Variants in CACNA2D3 observed in about 807,000 individuals in gnomAD.
CACNA2D3 encodes voltage-dependent calcium channel subunit alpha-2/delta-3.
In CACNA2D3, 60 loss-of-function variants were observed where a neutral mutation model predicts 160.6. That is an observed-to-expected ratio of 0.37 (90% CI 0.30 to 0.46). CACNA2D3 has a LOEUF of 0.46. CACNA2D3 is among the 20% of genes least tolerant of loss of function. The pLI is 1.00. For missense variants in CACNA2D3, 1,205 were observed against 1,365.0 expected, an observed-to-expected ratio of 0.88 and a Z score of 1.85; for synonymous variants, 558 against 492.9, an observed-to-expected ratio of 1.13 and a Z score of -1.75.
At chr3:54,407,393 C>G (rs1372488772) in intron 4 of CACNA2D3, among the ~76,000 whole-genome samples, 1 of 152,102 alleles carries the variant, frequency 6.6e-6, no homozygotes, top group East Asian at 1.9e-4. Context: ...GAAAGCATGC[C>G]TATTGCTTTT....
chr3:54,831,110 GAGTT>G (rs1452152168), intron 14 of CACNA2D3, among the ~76,000 whole-genome samples: 1 of 152,210 alleles, frequency 6.6e-6, no homozygotes, highest in Non-Finnish European at 1.5e-5. Flanking sequence ...TATTTGATGA[GAGTT>G]AGTGGATTAG....
rs531358109 is a variant in CACNA2D3, at chr3:54,764,525, C to T, written c.1380+174C>T. On this transcript the variant is annotated intron_variant, in intron 13 of 37. Transcript: ENST00000474759. The stretch of plus-strand genomic sequence containing the variant: ...AAGCAAAGTTGGTGAAAAATCATAA[C>T]GTACTAGAAAGTATGACACGTACTT... Among the ~76,000 whole-genome samples the T allele has an allele frequency of 9.9e-5, 15 of 152,276 alleles. No homozygotes were observed. In the South Asian group the frequency reaches 1.4e-3, roughly 15 times the overall value.
At chr3:55,059,258 TAGA>T (rs1235703767) in intron 35 of CACNA2D3, among the ~76,000 whole-genome samples, 2 of 152,080 alleles carry the variant, frequency 1.3e-5, no homozygotes, top group Non-Finnish European at 2.9e-5. Flanking sequence ...TGATAGAAAA[TAGA>T]AGATTAGAAC....
intron 4 of CACNA2D3, among the ~76,000 whole-genome samples, chr3:54,430,208 G>A (rs1269364815): frequency 1.4e-5 from 2 of 141,688 alleles, no homozygotes; most frequent in African/African-American, 2.6e-5. Context: ...TTATATATGC[G>A]GATTTGTTAT....
rs186016713 is a variant in CACNA2D3 at position 54,216,075 on chromosome 3, A to G, written c.204+92481A>G. Among the ~76,000 whole-genome samples the G allele has an allele frequency of 4.6e-3, 701 of 152,130 alleles. 3 individuals carry two copies. The highest frequency in any genetic ancestry group is 7.8e-3 in the Non-Finnish European group (529 of 67,992). ...TGTTCTTGAGCGGCTGAGCCCTTTG[A>G]GAGCTTGTGCGCTGTGTTCCTATGT... On this transcript the variant is annotated intron_variant, in intron 2 of 37. Transcript: ENST00000474759.
At chr3:54,942,184 A>C (rs1238522613) in intron 27 of CACNA2D3, among the ~76,000 whole-genome samples, 1 of 152,232 alleles carries the variant, frequency 6.6e-6, no homozygotes. Context: ...GCAGTGATAC[A>C]ACCGTGTATC....
chr3:54,479,278 C>G (rs536048735), intron 4 of CACNA2D3, among the ~76,000 whole-genome samples: 8 of 152,104 alleles, frequency 5.3e-5, no homozygotes, highest in Non-Finnish European at 1.0e-4. Flanking sequence ...AACTGTGAGT[C>G]AATTAAACCT....
At chr3:54,877,191 G>A (rs1699681653) in intron 18 of CACNA2D3, 1 of 152,176 alleles carries the variant, frequency 6.6e-6, no homozygotes, top group African/African-American at 2.4e-5. Flanking sequence ...ATCAGAGTAA[G>A]ATGTATTTCT....
At chr3:54,297,484 A>T (rs1703367676) in intron 2 of CACNA2D3, among the ~76,000 whole-genome samples, 1 of 152,174 alleles carries the variant, frequency 6.6e-6, no homozygotes, top group Non-Finnish European at 1.5e-5. Flanking sequence ...GCCATAAATT[A>T]CAGAGAACAT....
At chr3:54,394,118 T>G (rs1699330662) in intron 4 of CACNA2D3, among the ~76,000 whole-genome samples, 1 of 152,018 alleles carries the variant, frequency 6.6e-6, no homozygotes, top group Non-Finnish European at 1.5e-5. Flanking sequence ...AATTGCAGCT[T>G]TACCTTGCTC....
chr3:55,030,955 T>C (rs985243392), intron 35 of CACNA2D3, among the ~76,000 whole-genome samples: 5 of 152,180 alleles, frequency 3.3e-5, no homozygotes, highest in African/African-American at 1.2e-4. Flanking sequence ...GGTTTCTACC[T>C]GACATGAATT....
At chr3:54,487,990 C>T (rs1346701690) in intron 4 of CACNA2D3, among the ~76,000 whole-genome samples, 1 of 152,168 alleles carries the variant, frequency 6.6e-6, no homozygotes, top group Non-Finnish European at 1.5e-5. Context: ...CAGGAAAGGT[C>T]TTCCTGTGGA....
intron 3 of CACNA2D3, among the ~76,000 whole-genome samples, chr3:54,334,401 CA>C (rs1704331115): frequency 6.6e-6 from 1 of 152,140 alleles, no homozygotes; most frequent in South Asian, 2.1e-4. Flanking sequence ...CTTAGATGTT[CA>C]GTCATCTCTT....
intron 5 of CACNA2D3, among the ~76,000 whole-genome samples, chr3:54,558,527 C>T (rs967144670): frequency 6.6e-6 from 1 of 152,034 alleles, no homozygotes; most frequent in Non-Finnish European, 1.5e-5. Flanking sequence ...AGGTAATAAG[C>T]ATAGTACCCA....
chr3:54,795,325 A>C (rs1702845802), intron 13 of CACNA2D3, among the ~76,000 whole-genome samples: 1 of 152,016 alleles, frequency 6.6e-6, no homozygotes, highest in Non-Finnish European at 1.5e-5. Flanking sequence ...TCTTTTATTA[A>C]ATTTTAGCAG....
chr3:54,652,271 A>G (rs1224343278), intron 11 of CACNA2D3, among the ~76,000 whole-genome samples: 2 of 152,194 alleles, frequency 1.3e-5, no homozygotes, highest in African/African-American at 4.8e-5. Context: ...TCTTAGGGTA[A>G]TGCATTCATG....
intron 17 of CACNA2D3, among the ~76,000 whole-genome samples, chr3:54,851,064 C>G (rs539398120): frequency 1.3e-5 from 2 of 152,346 alleles, no homozygotes; most frequent in East Asian, 3.9e-4. Flanking sequence ...GTATCAGTAA[C>G]TGTGGACAGT....
intron 21 of CACNA2D3, among the ~76,000 whole-genome samples, chr3:54,883,799 ATCTCTC>A (rs9311543): frequency 1.6e-4 from 17 of 107,422 alleles, no homozygotes; most frequent in Non-Finnish European, 2.8e-4. Context: ...TTACAATGGA[ATCTCTC>A]TCTCTCTCTC....
At chr3:54,218,092 G>A (rs537912598) in intron 2 of CACNA2D3, among the ~76,000 whole-genome samples, 1 of 152,210 alleles carries the variant, frequency 6.6e-6, no homozygotes, top group Admixed American at 6.5e-5. Flanking sequence ...AGAGAGAGAG[G>A]TTTGACTCCC....
Sources: allele counts gnomAD v4.1 joint callset (sites outside exome capture counted in the v4.1 genomes callset), GRCh38; gene constraint gnomAD v4.1.1; transcripts MANE v1.5; gene names NCBI Gene and HGNC (gene_info 2026-07-23, HGNC 2026-07-21).